RAPGEF4: variants seen among roughly 807,000 people sequenced by gnomAD.
The protein encoded by RAPGEF4 is RAP guanine-nucleotide-exchange factor (GEF) 4.
In RAPGEF4, 66 loss-of-function variants were observed where a neutral mutation model predicts 147.9. That is an observed-to-expected ratio of 0.45 (90% CI 0.37 to 0.55). The LOEUF (loss-of-function observed/expected upper bound fraction) is 0.55, where lower values mean the gene tolerates loss of function less well. Ranked by LOEUF, RAPGEF4 falls within the 20% of genes least tolerant of loss-of-function variation. RAPGEF4 has a pLI of 0.00. For synonymous variants in RAPGEF4, 419 were observed against 442.7 expected (o/e 0.95, Z 0.67); for missense variants, 1,071 against 1,257.3 (o/e 0.85, Z 2.24).
At chr2:172,903,232 C>A (rs1003696483) in intron 4 of RAPGEF4, among the ~76,000 whole-genome samples, 4 of 151,826 alleles carry the variant, frequency 2.6e-5, no homozygotes, top group Non-Finnish European at 4.4e-5. Flanking sequence ...AGCTGGGCAT[C>A]GTGGCGGGCA....
chr2:172,863,229 A>C (rs945016941), intron 4 of RAPGEF4, among the ~76,000 whole-genome samples: 2 of 152,198 alleles, frequency 1.3e-5, no homozygotes, highest in Non-Finnish European at 2.9e-5. Context: ...ACAGTATTTC[A>C]GGGACTTATA....
chr2:172,991,027 G>T, intron 15 of RAPGEF4, 102 bp downstream of exon 15: 1 of 870,044 alleles, frequency 1.1e-6, no homozygotes, highest in East Asian at 2.6e-5. Flanking sequence ...GTGGAAGATG[G>T]CAGTGTATGT....
intron 1 of RAPGEF4, among the ~76,000 whole-genome samples, chr2:172,745,081 A>G (rs954401840): frequency 6.6e-6 from 1 of 152,136 alleles, no homozygotes; most frequent in Non-Finnish European, 1.5e-5. Flanking sequence ...TTATTTTAGT[A>G]TCAGGATTAT....
Position 173,052,039 on chromosome 2 carries a change from G to A in RAPGEF4, c.*272G>A, listed in dbSNP as rs1575609510. 3.8e-6 allele frequency: 1 copy of A among 264,900 alleles called. No individual in the cohort carries two copies. The highest frequency in any genetic ancestry group is 7.2e-6 in the Non-Finnish European group (1 of 138,686). The allele number at this position is 264,900 out of a possible 1,614,324, so 16.4% of individuals were successfully genotyped here. On this transcript the variant is annotated 3_prime_UTR_variant, in exon 31 of 31. Transcript: ENST00000397081. ...CACTTGTGCCATCTTCTTTGCTGAAGTGTTGAATAAGGCCCACGTGAAGAG... is the reference window on the plus strand; with the variant it reads ...CACTTGTGCCATCTTCTTTGCTGAAATGTTGAATAAGGCCCACGTGAAGAG...
chr2:173,008,783 G>A (rs2105852245), intron 17 of RAPGEF4, among the ~76,000 whole-genome samples: 1 of 152,100 alleles, frequency 6.6e-6, no homozygotes, highest in South Asian at 2.1e-4. Flanking sequence ...TAAATGAGCA[G>A]TTAAAAAAAA....
At position 173,033,893 on chromosome 2, in the gene RAPGEF4, GC is replaced by G; in HGVS notation, c.2650-20del. 1.2e-6 allele frequency: 2 copies of G among 1,609,436 alleles called. No homozygotes were observed. Among genetic ancestry groups the G allele is most frequent in the African/African-American group, 2.7e-5 (2 of 74,716 alleles). ...ATATTGAATCTGACATATGCGTGTGGCATTTTCATTTCATTAACAGAAACTG... is the reference window on the plus strand; with the variant it reads ...ATATTGAATCTGACATATGCGTGTGGATTTTCATTTCATTAACAGAAACTG... On this transcript the variant is annotated intron_variant, in intron 26 of 30. Coordinates refer to ENST00000397081, the MANE Select transcript of RAPGEF4 (RefSeq NM_007023.4).
intron 4 of RAPGEF4, among the ~76,000 whole-genome samples, chr2:172,902,891 G>A (rs959510384): frequency 5.3e-5 from 8 of 152,246 alleles, no homozygotes; most frequent in Non-Finnish European, 8.8e-5. Context: ...GCTGTATTAC[G>A]GTGATTCCTA....
rs1264932499 is a variant in RAPGEF4, at chr2:172,735,969, G to A, written c.-15G>A. On this transcript the variant is annotated 5_prime_UTR_variant, in exon 1 of 31. Coordinates refer to ENST00000397081, the MANE Select transcript of RAPGEF4 (RefSeq NM_007023.4). ...AGGTCGCCGCAGCCAGGGACACCGC[G>A]CGCCGCCGCTCAACATGGTCGCTGC... 6.9e-7 allele frequency: 1 copy of A among 1,456,016 alleles called. No individual in the cohort carries two copies. Among genetic ancestry groups the A allele is most frequent in the Non-Finnish European group, 9.1e-7 (1 of 1,101,452 alleles). The allele number at this position is 1,456,016 out of a possible 1,614,324, so 90.2% of individuals were successfully genotyped here.
chr2:172,959,697 G>GC (rs1412755484), intron 6 of RAPGEF4, among the ~76,000 whole-genome samples: 1 of 151,944 alleles, frequency 6.6e-6, no homozygotes, highest in East Asian at 1.9e-4. Context: ...TTATTTCAGA[G>GC]CAAGAAAACG....
At chr2:172,824,431 C>T (rs1440316497) in intron 4 of RAPGEF4, among the ~76,000 whole-genome samples, 1 of 152,228 alleles carries the variant, frequency 6.6e-6, no homozygotes, top group Non-Finnish European at 1.5e-5. Context: ...TGTCCTTGCC[C>T]TGTGCTGAGA....
At chr2:172,774,496 G>C (rs981660382) in intron 1 of RAPGEF4, among the ~76,000 whole-genome samples, 23 of 152,058 alleles carry the variant, frequency 1.5e-4, no homozygotes, top group Admixed American at 6.6e-4. Flanking sequence ...TTATTATTTT[G>C]CTGTCTGGAA....
chr2:172,848,221 C>G (rs1226868295), intron 4 of RAPGEF4, among the ~76,000 whole-genome samples: 1 of 152,098 alleles, frequency 6.6e-6, no homozygotes, highest in Non-Finnish European at 1.5e-5. Flanking sequence ...TCTCCCTGAG[C>G]CAGTGTCCAA....
intron 29 of RAPGEF4, among the ~76,000 whole-genome samples, chr2:173,040,428 G>A (rs1684619460): frequency 6.6e-6 from 1 of 152,118 alleles, no homozygotes; most frequent in Non-Finnish European, 1.5e-5. Flanking sequence ...TGATGTCAAT[G>A]CCACTTCCCA....
chr2:172,942,683 C>G (rs1447549123), intron 6 of RAPGEF4, among the ~76,000 whole-genome samples: 3 of 151,702 alleles, frequency 2.0e-5, no homozygotes, highest in Admixed American at 2.0e-4. Context: ...AAATAGGATG[C>G]AAGATACATG....
At position 173,047,821 on chromosome 2, in the gene RAPGEF4, C is replaced by T. The variant is rs528642210; in HGVS notation, c.2854-779C>T. The stretch of plus-strand genomic sequence containing the variant: ...CCTCCCAAGTAGCTGGGACTACAGG[C>T]GCCTGCCACCACGCCCGGCTAATTT... On this transcript the variant is annotated intron_variant, in intron 29 of 30. Coordinates refer to ENST00000397081, the MANE Select transcript of RAPGEF4 (RefSeq NM_007023.4). Among the ~76,000 whole-genome samples, 374 of 152,148 alleles carry T rather than the reference C, an allele frequency of 2.5e-3. 1 individual carries two copies. The highest frequency in any genetic ancestry group is 0.024 in the Middle Eastern group (7 of 294).
chr2:173,030,639 T>C (rs750209114), intron 26 of RAPGEF4, among the ~76,000 whole-genome samples: 1 of 152,246 alleles, frequency 6.6e-6, no homozygotes, highest in Non-Finnish European at 1.5e-5. Context: ...TTATCTTTAA[T>C]TGAAAGAGGA....
intron 1 of RAPGEF4, among the ~76,000 whole-genome samples, chr2:172,789,385 T>C (rs1685573738): frequency 6.6e-6 from 1 of 152,190 alleles, no homozygotes; most frequent in African/African-American, 2.4e-5. Flanking sequence ...GTGTGGGTCA[T>C]AGGGGGCCAC....
At chr2:173,021,900 T>C (rs1696134441) in intron 23 of RAPGEF4, among the ~76,000 whole-genome samples, 1 of 152,158 alleles carries the variant, frequency 6.6e-6, no homozygotes, top group Non-Finnish European at 1.5e-5. Flanking sequence ...TAATCCCTCA[T>C]CCATCAGAGC....
chr2:172,908,302 A>G (rs1699807467), intron 4 of RAPGEF4, among the ~76,000 whole-genome samples: 1 of 152,230 alleles, frequency 6.6e-6, no homozygotes, highest in African/African-American at 2.4e-5. Context: ...CTCCAGGAAG[A>G]GCTCCTGTTT....
Sources: gnomAD v4.1 joint callset for allele counts (sites outside exome capture counted in the v4.1 genomes callset) on GRCh38, gnomAD v4.1.1 for gene constraint, MANE v1.5 for transcripts, NCBI Gene and HGNC (gene_info 2026-07-23, HGNC 2026-07-21) for gene names.